Variants in DOK6 observed in about 807,000 individuals in gnomAD.
DOK6 encodes the protein docking protein 6.
DOK6 carries 22 observed loss-of-function variants against 44.0 expected under a neutral mutation model. That is an observed-to-expected ratio of 0.50 (90% CI 0.36 to 0.71). The LOEUF (loss-of-function observed/expected upper bound fraction) is 0.71, where lower values mean the gene tolerates loss of function less well. Ranked by LOEUF, DOK6 falls within the 30% of genes least tolerant of loss-of-function variation. The pLI is 0.00. For synonymous variants in DOK6, 166 were observed against 145.5 expected (o/e 1.14, Z -1.01); for missense variants, 340 against 416.4 (o/e 0.82, Z 1.60).
Position 69,668,379 on chromosome 18 carries a change from G to A in DOK6, c.290-9355G>A, listed in dbSNP as rs911567248. 3.3e-5 allele frequency among the ~76,000 whole-genome samples: 5 copies of A among 151,850 alleles called. No homozygotes were observed. In the East Asian group the frequency reaches 9.6e-4, roughly 29 times the overall value. On this transcript the variant is annotated intron_variant, in intron 3 of 7. Transcript: ENST00000382713. ...ATACCTTGTACTTTAAAAAAACCTA[G>A]GAATGTCTTTTGTCACTTCTTTCAT...
At chr18:69,421,926 C>A (rs1278625325) in intron 1 of DOK6, among the ~76,000 whole-genome samples, 4 of 152,072 alleles carry the variant, frequency 2.6e-5, no homozygotes, top group African/African-American at 9.7e-5. Flanking sequence ...ACTAGCTCTT[C>A]CCTGCCATTA....
At chr18:69,812,456 G>A (rs566984189) in intron 7 of DOK6, among the ~76,000 whole-genome samples, 22 of 152,140 alleles carry the variant, frequency 1.4e-4, no homozygotes, top group South Asian at 6.2e-4. Context: ...CTCCTAGATC[G>A]GACAGTTGTC....
At chr18:69,469,762 C>T (rs771709067) in intron 1 of DOK6, 31 of 242,592 alleles carry the variant, frequency 1.3e-4, no homozygotes, top group Non-Finnish European at 2.0e-4. Context: ...ACGCCATCGG[C>T]GAGGTTGGAC....
intron 3 of DOK6, among the ~76,000 whole-genome samples, chr18:69,627,693 C>T (rs1299303499): frequency 1.3e-5 from 2 of 152,120 alleles, no homozygotes; most frequent in African/African-American, 4.8e-5. Context: ...TTGTGATCCG[C>T]CCGCCTCGGC....
At position 69,841,624 on chromosome 18, in the gene DOK6, T is replaced by C. The variant is rs1000252101; in HGVS notation, c.*241T>C. 9 of 485,978 alleles carry C rather than the reference T, an allele frequency of 1.9e-5. No individual in the cohort carries two copies. Among genetic ancestry groups the C allele is most frequent in the Admixed American group, 3.4e-5 (1 of 29,026 alleles). 30.1% of individuals were successfully genotyped at this position (485,978 alleles called of 1,614,324 possible). On this transcript the variant is annotated 3_prime_UTR_variant, in exon 8 of 8. Coordinates refer to ENST00000382713, the MANE Select transcript of DOK6 (RefSeq NM_152721.6). Reference sequence around the variant, plus strand: ...TTACATAAATAGAATCCAAATCGTATGAACAGTTATTTAAATAAACAAAAT... The same window carrying C: ...TTACATAAATAGAATCCAAATCGTACGAACAGTTATTTAAATAAACAAAAT...
chr18:69,636,998 A>G (rs1984824680), intron 3 of DOK6, among the ~76,000 whole-genome samples: 1 of 152,132 alleles, frequency 6.6e-6, no homozygotes, highest in African/African-American at 2.4e-5. Context: ...CCTTAAAGGA[A>G]CTTTGTTTTA....
chr18:69,727,329 G>C (rs1163487503), intron 5 of DOK6, among the ~76,000 whole-genome samples: 1 of 152,142 alleles, frequency 6.6e-6, no homozygotes, highest in Admixed American at 6.5e-5. Flanking sequence ...TTTGTGAAGT[G>C]GCTGAAATCT....
At chr18:69,485,629 A>G (rs1334162010) in intron 1 of DOK6, among the ~76,000 whole-genome samples, 1 of 152,148 alleles carries the variant, frequency 6.6e-6, no homozygotes, top group East Asian at 1.9e-4. Flanking sequence ...ACATTCAAAC[A>G]TTCAACTCGG....
intron 2 of DOK6, among the ~76,000 whole-genome samples, chr18:69,574,449 T>A (rs1983190785): frequency 6.6e-6 from 1 of 152,102 alleles, no homozygotes; most frequent in African/African-American, 2.4e-5. Context: ...AACAGTTAAT[T>A]CTGCTTCTGG....
At chr18:69,783,933 C>T (rs955809013) in intron 7 of DOK6, among the ~76,000 whole-genome samples, 2 of 152,166 alleles carry the variant, frequency 1.3e-5, no homozygotes, top group African/African-American at 4.8e-5. Flanking sequence ...GTGGTTTATG[C>T]CTGTAATCCC....
In DOK6 at chr18:69,449,485, A is replaced by G. The variant is rs1246369416; in HGVS notation, c.66+48175A>G. ...TAGCATTTGAAATAAGGAATTTTTC[A>G]TTAACTACTAATTTAATAGCAAAAC... On this transcript the variant is annotated intron_variant, in intron 1 of 7. Transcript: ENST00000382713. Among the ~76,000 whole-genome samples, 4 of 152,384 alleles carry G rather than the reference A, an allele frequency of 2.6e-5. No individual in the cohort carries two copies. The East Asian group carries it at 7.7e-4, about 29-fold the overall frequency.
chr18:69,716,297 C>G (rs931526625), intron 5 of DOK6, among the ~76,000 whole-genome samples: 1 of 152,160 alleles, frequency 6.6e-6, no homozygotes, highest in African/African-American at 2.4e-5. Flanking sequence ...TAAAGCCATA[C>G]TTTGAGGGGT....
At chr18:69,512,089 C>T (rs942848960) in intron 1 of DOK6, among the ~76,000 whole-genome samples, 3 of 135,030 alleles carry the variant, frequency 2.2e-5, no homozygotes, top group South Asian at 2.9e-4. Flanking sequence ...TCCCCCCACA[C>T]GCACCCCCCC....
At chr18:69,660,245 AT>A (rs1985488357) in intron 3 of DOK6, 1 of 152,166 alleles carries the variant, frequency 6.6e-6, no homozygotes. Flanking sequence ...ATGTGCATAG[AT>A]TGTTCATAAC....
At chr18:69,731,755 A>T (rs1261433126) in intron 5 of DOK6, among the ~76,000 whole-genome samples, 2 of 152,220 alleles carry the variant, frequency 1.3e-5, no homozygotes, top group African/African-American at 4.8e-5. Flanking sequence ...TACTATTAAA[A>T]TTTGGGACAA....
In DOK6 at chr18:69,487,227, CTGTG is replaced by C. The variant is rs150469904; in HGVS notation, c.67-77246_67-77243del. Among the ~76,000 whole-genome samples, 312 of 125,170 alleles carry C rather than the reference CTGTG, an allele frequency of 2.5e-3. 1 individual carries two copies. The highest frequency in any genetic ancestry group is 5.0e-3 in the Admixed American group (62 of 12,376). 82.1% of individuals were successfully genotyped at this position (125,170 alleles called of 152,430 possible). Reference sequence around the variant, plus strand: ...TGTGTGTGTGTGTGTGTGTGTCTGTCTGTGTGTGTGTGTGTGTTGGGGGGTATCA... The same window carrying C: ...TGTGTGTGTGTGTGTGTGTGTCTGTCTGTGTGTGTGTGTTGGGGGGTATCA... On this transcript the variant is annotated intron_variant, in intron 1 of 7. Transcript: ENST00000382713.
At chr18:69,643,869 T>A (rs142440637) in intron 3 of DOK6, 1 of 152,322 alleles carries the variant, frequency 6.6e-6, no homozygotes, top group Non-Finnish European at 1.5e-5. Context: ...ACCAGATATC[T>A]ATTAGTAGTC....
chr18:69,531,113 A>T (rs1222623682), intron 1 of DOK6, among the ~76,000 whole-genome samples: 1 of 151,506 alleles, frequency 6.6e-6, no homozygotes, highest in Non-Finnish European at 1.5e-5. Flanking sequence ...TGCTTGGTAG[A>T]TCTTTCTCCA....
chr18:69,838,563 A>T (rs1568141683), intron 7 of DOK6, among the ~76,000 whole-genome samples: 1 of 152,108 alleles, frequency 6.6e-6, no homozygotes, highest in Non-Finnish European at 1.5e-5. Flanking sequence ...TAACTCATTG[A>T]TTTAATACTC....
Sources: allele counts gnomAD v4.1 joint callset (sites outside exome capture counted in the v4.1 genomes callset), GRCh38; gene constraint gnomAD v4.1.1; transcripts MANE v1.5; gene names NCBI Gene and HGNC (gene_info 2026-07-23, HGNC 2026-07-21).